The following VWF variants were observed in gnomAD, a reference collection of about 807,000 sequenced individuals.
VWF encodes von Willebrand factor.
Under a neutral mutation model 308.6 loss-of-function variants are expected in VWF, and 176 were observed. The ratio of observed to expected loss-of-function variants is 0.57; its 90% confidence interval spans 0.50 to 0.65. The LOEUF is 0.65. Among genes scored for constraint, VWF ranks in the 30% least tolerant of loss-of-function variants. The pLI, the probability that VWF is intolerant of heterozygous loss-of-function variation, is 0.00. For synonymous variants in VWF, 1,385 were observed against 1,443.4 expected (o/e 0.96, Z 0.92); for missense variants, 3,146 against 3,648.2 (o/e 0.86, Z 3.55).
intron 16 of VWF, among the ~76,000 whole-genome samples, chr12:6,051,323 G>A (rs1450290413): frequency 1.0e-4 from 13 of 129,582 alleles, no homozygotes; most frequent in African/African-American, 3.1e-5. Flanking sequence ...ATAGAGTCTC[G>A]CTCTGTCACC....
intron 16 of VWF, 49 bp downstream of exon 16, chr12:6,052,494 C>T (rs748196071): frequency 6.2e-6 from 10 of 1,613,784 alleles, no homozygotes; most frequent in Non-Finnish European, 8.5e-6. Flanking sequence ...CCGTTTTCCT[C>T]CCCAGCTCTG....
At chr12:6,100,078 T>C (rs7314094) in intron 5 of VWF, among the ~76,000 whole-genome samples, 13,294 of 151,250 alleles carry the variant, frequency 0.088, 1,171 homozygotes, top group African/African-American at 0.23. Context: ...AAAAAGTGGG[T>C]GAAGGACATG....
chr12:6,123,037 C>T (rs1945448118), intron 2 of VWF, 105 bp downstream of exon 2: 1 of 1,447,008 alleles, frequency 6.9e-7, no homozygotes, highest in Admixed American at 1.7e-5. Flanking sequence ...TAAGTTAGGG[C>T]TGGGCACACA....
chr12:6,110,601 G>GT lies in VWF; in HGVS notation c.324-20dup. On this transcript the variant is annotated intron_variant, in intron 4 of 51. Transcript: ENST00000261405. ...GGAGACTCTGGAGGGCAAAGGCTAA[G>GT]TTCAGAAGTGGGCTTCTTGTGCATT... 1 of 1,612,514 alleles carries GT rather than the reference G, an allele frequency of 6.2e-7. No individual in the cohort carries two copies. Among genetic ancestry groups the GT allele is most frequent in the Middle Eastern group, 1.7e-4 (1 of 5,984 alleles).
intron 20 of VWF, among the ~76,000 whole-genome samples, chr12:6,033,633 C>T (rs1360875788): frequency 6.6e-6 from 1 of 152,246 alleles, no homozygotes; most frequent in African/African-American, 2.4e-5. Flanking sequence ...GGTTCCCTGC[C>T]TGGTCTGCAT....
In VWF at chr12:5,990,001, T is replaced by G. The variant is rs192439359; in HGVS notation, c.6798+1818A>C. The stretch of plus-strand genomic sequence containing the variant: ...TCAAGGAGAGGAATATAAGGTTTTG[T>G]CAACTCATTTAGGGAATATCACAGA... On this transcript the variant is annotated intron_variant, in intron 38 of 51. Transcript: ENST00000261405. Among the ~76,000 whole-genome samples the G allele has an allele frequency of 2.6e-5, 4 of 152,330 alleles. No homozygotes were observed. The East Asian group carries it at 5.8e-4, about 22-fold the overall frequency.
At chr12:6,049,796 G>C (rs748248481) in intron 16 of VWF, among the ~76,000 whole-genome samples, 1 of 152,252 alleles carries the variant, frequency 6.6e-6, no homozygotes, top group South Asian at 2.1e-4. Context: ...CAGCAGTCCT[G>C]CAGAGGAGGT....
chr12:6,026,041 T>C lies in VWF; in HGVS notation c.2973A>G (p.Lys991=), dbSNP rs760392989. The C allele has an allele frequency of 1.8e-5, 29 of 1,613,786 alleles. No homozygotes were observed. Among genetic ancestry groups the C allele is most frequent in the Admixed American group, 3.3e-5 (2 of 59,992 alleles). ...CAAAATTCCCACACAGGCCACACAC[T>C]TTCTCCTTGAGAGACAAGTTGAGGG... ...SVVLKQTYQE[K]VCGLCGNFDG... Residue 991 remains lysine, a synonymous_variant, in exon 23 of 52, where the codon AAA becomes AAG. Transcript: ENST00000261405.
intron 6 of VWF, among the ~76,000 whole-genome samples, chr12:6,085,513 G>A (rs1591908229): frequency 6.6e-6 from 1 of 152,290 alleles, no homozygotes; most frequent in East Asian, 1.9e-4. Flanking sequence ...AAAGGAAAAG[G>A]GAAAGGAACC....
chr12:6,018,257 G>A, intron 28 of VWF, 108 bp downstream of exon 28: 4 of 1,407,586 alleles, frequency 2.8e-6, no homozygotes, highest in African/African-American at 1.4e-5. Context: ...ACACAGACCA[G>A]GGAAGCCAGG....
intron 44 of VWF, among the ~76,000 whole-genome samples, chr12:5,971,232 C>A (rs138299403): frequency 2.6e-5 from 4 of 152,316 alleles, no homozygotes; most frequent in African/African-American, 4.8e-5. Flanking sequence ...GTCTGAGGAC[C>A]CTGCCTGGGT....
chr12:6,054,827 T>C (rs1371452834), intron 15 of VWF, among the ~76,000 whole-genome samples: 1 of 152,234 alleles, frequency 6.6e-6, no homozygotes, highest in East Asian at 1.9e-4. Flanking sequence ...GGGAGCTCTG[T>C]TCATTTCTCT....
In VWF at chr12:5,994,547, C is replaced by T. The variant is rs779004919; in HGVS notation, c.6124G>A (p.Val2042Ile). Residue 2042 changes from valine (V) to isoleucine (I), a missense_variant, in exon 36 of 52, where the codon GTT becomes ATT. Val to Ile is a conservative substitution (Grantham distance 29, BLOSUM62 3). Transcript: ENST00000261405. ...ACCTCATGCATGATGGCACCATAAA[C>T]GTTGACTTCCATGTTCCCACCCACG... ...PYVGGNMEVN[V>I]YGAIMHEVRF... 4.5e-5 allele frequency: 72 copies of T among 1,613,878 alleles called. No individual in the cohort carries two copies. Among genetic ancestry groups the T allele is most frequent in the Non-Finnish European group, 5.8e-5 (68 of 1,179,914 alleles).
At position 6,018,487 on chromosome 12, in the gene VWF, C is replaced by T. The variant is rs1591862022; in HGVS notation, c.4931G>A (p.Trp1644Ter). ...CTGGATGAGGATAGGGGCATTGGGC[C>T]AGCCAATCCTCTCCAGCTCCTGCAC... is the stretch of plus-strand genomic sequence containing the variant. The part of the protein sequence containing the change: ...ANVQELERIG[W>*]PNAPILIQDF... The change falls in exon 28 of 52, where the codon TGG (tryptophan) becomes TAG (stop). Residue 1644 changes from tryptophan (W) to a stop codon, truncating the protein, a stop_gained. Transcript: ENST00000261405. LOFTEE classifies it high-confidence loss of function. 1 of 1,613,764 alleles carries T rather than the reference C, an allele frequency of 6.2e-7. No individual in the cohort carries two copies. The highest frequency in any genetic ancestry group is 8.5e-7 in the Non-Finnish European group (1 of 1,179,910).
intron 22 of VWF, among the ~76,000 whole-genome samples, chr12:6,027,297 C>T (rs1290695675): frequency 2.0e-5 from 3 of 152,200 alleles, no homozygotes; most frequent in African/African-American, 7.2e-5. Flanking sequence ...GTTCCGTCTG[C>T]CTAAACTCTC....
chr12:6,035,354 T>C (rs11615001), intron 19 of VWF, among the ~76,000 whole-genome samples: 27,280 of 152,154 alleles, frequency 0.18, 2,964 homozygotes, highest in Non-Finnish European at 0.25. Flanking sequence ...TGTAGCTACA[T>C]GTTAAAATCT....
chr12:6,117,819 A>G (rs1455588158), intron 3 of VWF, among the ~76,000 whole-genome samples: 4 of 152,168 alleles, frequency 2.6e-5, no homozygotes, highest in African/African-American at 9.7e-5. Context: ...GCGAGATTCC[A>G]TTTCAAAAGA....
At chr12:6,031,784 C>T (rs1051336600) in intron 20 of VWF, among the ~76,000 whole-genome samples, 4 of 134,848 alleles carry the variant, frequency 3.0e-5, no homozygotes, top group South Asian at 2.3e-4. Flanking sequence ...ACCTCGCCCA[C>T]GACAGATGAG....
chr12:6,121,610 A>G (rs1462341881), intron 2 of VWF, among the ~76,000 whole-genome samples: 1 of 152,174 alleles, frequency 6.6e-6, no homozygotes, highest in Non-Finnish European at 1.5e-5. Context: ...CATGTCCATT[A>G]TTAAAAATTT....
Sources: allele counts gnomAD v4.1 joint callset (sites outside exome capture counted in the v4.1 genomes callset), GRCh38; gene constraint gnomAD v4.1.1; transcripts MANE v1.5; gene names NCBI Gene and HGNC (gene_info 2026-07-23, HGNC 2026-07-21).